SYK: variants seen among roughly 807,000 people sequenced by gnomAD.
SYK encodes tyrosine-protein kinase SYK.
Under a neutral mutation model 77.8 loss-of-function variants are expected in SYK, and 16 were observed. The observed-to-expected ratio is 0.21, with a 90% CI of 0.14 to 0.31. The LOEUF (loss-of-function observed/expected upper bound fraction) is 0.31. SYK is among the 10% of genes least tolerant of loss of function. The probability of loss-of-function intolerance (pLI) is 1.00; values close to 1 mark genes in which losing one functional copy is unlikely to be tolerated. For missense variants in SYK, 529 were observed against 814.4 expected, an observed-to-expected ratio of 0.65 and a Z score of 4.26; for synonymous variants, 312 against 308.7, an observed-to-expected ratio of 1.01 and a Z score of -0.11.
chr9:90,856,188 A>G (rs1048329535), intron 3 of SYK, among the ~76,000 whole-genome samples: 43 of 152,322 alleles, frequency 2.8e-4, no homozygotes, highest in African/African-American at 8.9e-4. Flanking sequence ...CTCAGTAATA[A>G]AATGGGGAGA....
At chr9:90,866,179 G>C (rs1000570146) in intron 6 of SYK, among the ~76,000 whole-genome samples, 1 of 152,178 alleles carries the variant, frequency 6.6e-6, no homozygotes, top group Admixed American at 6.5e-5. Context: ...GATTACAGGC[G>C]TGAGCCACCG....
intron 1 of SYK, among the ~76,000 whole-genome samples, chr9:90,838,884 C>T (rs1484797274): frequency 6.6e-6 from 1 of 152,198 alleles, no homozygotes; most frequent in Non-Finnish European, 1.5e-5. Flanking sequence ...AGGACTGAGT[C>T]TGTGTGTGCA....
At position 90,844,023 on chromosome 9, in the gene SYK, G is replaced by T. The variant is rs1408106520; in HGVS notation, c.125G>T (p.Arg42Leu). The change falls in exon 2 of 14, where the codon CGC becomes CTC. Residue 42 changes from arginine (R) to leucine (L), a missense_variant. Transcript: ENST00000375754. ...GGMSDGLYLLRQSRNYLGGFA... is the reference protein window; with the variant it reads ...GGMSDGLYLLLQSRNYLGGFA... ...ATGAGTGATGGGCTTTATTTGCTGC[G>T]CCAGAGCCGCAACTACCTGGGTGGC... The T allele has an allele frequency of 2.5e-6, 4 of 1,611,810 alleles. No individual in the cohort carries two copies. Among genetic ancestry groups the T allele is most frequent in the Non-Finnish European group, 2.5e-6 (3 of 1,178,964 alleles).
intron 7 of SYK, 94 bp downstream of exon 7, chr9:90,867,293 C>G (rs1827539336): frequency 1.6e-6 from 2 of 1,259,962 alleles, no homozygotes; most frequent in Admixed American, 3.5e-5. Flanking sequence ...GTGTGCGCTG[C>G]CCCCCATCTC....
intron 3 of SYK, among the ~76,000 whole-genome samples, chr9:90,852,060 CTG>C (rs986717016): frequency 4.6e-5 from 7 of 152,170 alleles, no homozygotes; most frequent in African/African-American, 1.7e-4. Flanking sequence ...CTTGACTTCA[CTG>C]TGTTTGACTA....
rs141543737 is a variant in SYK at position 90,884,778 on chromosome 9, C to CATATGTGTACATGCACATATACACAT, written c.1582-2969_1582-2968insATGTGTACATGCACATATACACATAT. Among the ~76,000 whole-genome samples, 13 of 17,332 alleles carry CATATGTGTACATGCACATATACACAT rather than the reference C, an allele frequency of 7.5e-4. 5 individuals are homozygous for CATATGTGTACATGCACATATACACAT. Among genetic ancestry groups the CATATGTGTACATGCACATATACACAT allele is most frequent in the African/African-American group, 5.3e-3 (11 of 2,092 alleles). The allele number at this position is 17,332 out of a possible 152,430, so 11.4% of individuals were successfully genotyped here. On this transcript the variant is annotated intron_variant, in intron 11 of 13. Transcript: ENST00000375754. The stretch of plus-strand genomic sequence containing the variant: ...ACATATGTGTACATGCACATATACA[C>CATATGTGTACATGCACATATACACAT]ATGTGTACATGCACATATACACATA...
chr9:90,812,723 G>A (rs1825124624), intron 1 of SYK, among the ~76,000 whole-genome samples: 1 of 148,502 alleles, frequency 6.7e-6, no homozygotes, highest in Non-Finnish European at 1.5e-5. Flanking sequence ...AGGCCAGAGT[G>A]GCTCCTCCCC....
rs890020891 is a variant in SYK, at chr9:90,854,980, C to T, written c.579-7226C>T. 5.4e-4 allele frequency among the ~76,000 whole-genome samples: 77 copies of T among 142,158 alleles called. 1 individual carries two copies. Among genetic ancestry groups the T allele is most frequent in the African/African-American group, 1.9e-3 (70 of 37,258 alleles). The allele number at this position is 142,158 out of a possible 152,430, so 93.3% of individuals were successfully genotyped here. On this transcript the variant is annotated intron_variant, in intron 3 of 13. Coordinates refer to ENST00000375754, the MANE Select transcript of SYK (RefSeq NM_003177.7). ...CCCCTCACTTCTTCCCCCTACAGCCCGCCTCTCTCTCTCTCACACACACAC... is the reference window on the plus strand; with the variant it reads ...CCCCTCACTTCTTCCCCCTACAGCCTGCCTCTCTCTCTCTCACACACACAC...
intron 1 of SYK, among the ~76,000 whole-genome samples, chr9:90,812,360 A>G (rs1324573854): frequency 1.3e-5 from 2 of 152,210 alleles, no homozygotes; most frequent in East Asian, 1.9e-4. Flanking sequence ...CTGTCCTCCA[A>G]TGAAGAGCGA....
chr9:90,849,998 C>G (rs1225294229), intron 3 of SYK, among the ~76,000 whole-genome samples: 2 of 152,240 alleles, frequency 1.3e-5, no homozygotes, highest in Non-Finnish European at 2.9e-5. Flanking sequence ...CATGCAAACT[C>G]TTTCCATCCC....
At chr9:90,815,077 G>C (rs1295770967) in intron 1 of SYK, among the ~76,000 whole-genome samples, 1 of 148,720 alleles carries the variant, frequency 6.7e-6, no homozygotes, top group Non-Finnish European at 1.5e-5. Context: ...CTTAGTGCTT[G>C]TTCCTTTCTC....
rs748511215 is a variant in SYK at position 90,887,763 on chromosome 9, A to G, written c.1596A>G (p.Gly532=). 1.9e-6 allele frequency: 3 copies of G among 1,611,568 alleles called. No homozygotes were observed. The Admixed American group carries it at 5.0e-5, about 27-fold the overall frequency. The change falls in exon 12 of 14, where the codon GGA becomes GGG. Residue 532 remains glycine, a synonymous_variant. Coordinates refer to ENST00000375754, the MANE Select transcript of SYK (RefSeq NM_003177.7). ...TTTGCTTTTAGGCCCAGACCCATGG[A>G]AAGTGGCCTGTCAAGTGGTACGCTC... ...DENYYKAQTH[G]KWPVKWYAPE...
At chr9:90,845,634 C>A in intron 3 of SYK, 40 bp downstream of exon 3, 1 of 1,600,328 alleles carries the variant, frequency 6.2e-7, no homozygotes. Context: ...TGCCACCAGG[C>A]CTGTGTGGAC....
At chr9:90,891,988 C>A (rs534477862) in intron 13 of SYK, among the ~76,000 whole-genome samples, 5 of 152,128 alleles carry the variant, frequency 3.3e-5, no homozygotes, top group Non-Finnish European at 7.4e-5. Context: ...ACCTCCAACC[C>A]CTTTTTAGTC....
At chr9:90,860,672 G>A (rs1366042758) in intron 3 of SYK, among the ~76,000 whole-genome samples, 1 of 152,134 alleles carries the variant, frequency 6.6e-6, no homozygotes, top group Non-Finnish European at 1.5e-5. Flanking sequence ...TGCTGTGCAT[G>A]GCCAAGCACC....
intron 2 of SYK, among the ~76,000 whole-genome samples, chr9:90,844,787 C>T (rs1036262544): frequency 3.3e-5 from 5 of 152,188 alleles, no homozygotes; most frequent in African/African-American, 4.8e-5. Flanking sequence ...TAACTAGTAC[C>T]TATTGATGGA....
At chr9:90,870,314 G>A (rs1827681361) in intron 7 of SYK, among the ~76,000 whole-genome samples, 1 of 152,116 alleles carries the variant, frequency 6.6e-6, no homozygotes, top group Non-Finnish European at 1.5e-5. Context: ...TCTCTAAAAA[G>A]ACTTCCAGGG....
At position 90,878,889 on chromosome 9, in the gene SYK, A is replaced by G; in HGVS notation, c.1517A>G (p.His506Arg). The G allele has an allele frequency of 6.2e-7, 1 of 1,614,242 alleles. No homozygotes were observed. Among genetic ancestry groups the G allele is most frequent in the Non-Finnish European group, 8.5e-7 (1 of 1,180,018 alleles). The change falls in exon 11 of 14, where the codon CAT becomes CGT. Residue 506 changes from histidine (H) to arginine (R), a missense_variant. Physicochemically the swap from His to Arg is conservative, Grantham distance 29. This residue lies in a region of SYK where 208 missense variants were observed against 381.3 expected (regional missense o/e 0.55). Coordinates refer to ENST00000375754, the MANE Select transcript of SYK (RefSeq NM_003177.7). ...AARNVLLVTQ[H>R]YAKISDFGLS... ...AGAAATGTGTTGCTAGTTACCCAAC[A>G]TTACGCCAAGATCAGTGATTTCGGA...
intron 1 of SYK, among the ~76,000 whole-genome samples, chr9:90,834,380 A>G (rs1337105334): frequency 6.6e-6 from 1 of 152,182 alleles, no homozygotes; most frequent in African/African-American, 2.4e-5. Flanking sequence ...AATTAGTTAC[A>G]GTGGCTTTGG....
Sources: gnomAD v4.1 joint callset for allele counts (sites outside exome capture counted in the v4.1 genomes callset) on GRCh38, gnomAD v4.1.1 for gene constraint, gnomAD v4.1.1 regional missense constraint, MANE v1.5 for transcripts, NCBI Gene and HGNC (gene_info 2026-07-23, HGNC 2026-07-21) for gene names.